The following ARHGAP17 variants were observed in gnomAD, a reference collection of about 807,000 sequenced individuals.
ARHGAP17 encodes Rho GTPase activating protein 17, also known as rho GTPase-activating protein 17.
In ARHGAP17, 57 loss-of-function variants were observed where a neutral mutation model predicts 99.5. That is an observed-to-expected ratio of 0.57 (90% CI 0.46 to 0.71). The LOEUF is 0.71. Ranked by LOEUF, ARHGAP17 falls within the 30% of genes least tolerant of loss-of-function variation. The pLI is 0.00. For missense variants in ARHGAP17, 1,000 were observed against 1,122.4 expected (o/e 0.89, Z 1.56); for synonymous variants, 417 against 429.6 (o/e 0.97, Z 0.36).
rs991648786 is a variant in ARHGAP17 at position 24,974,124 on chromosome 16, G to A, written c.198+3091C>T. The stretch of plus-strand genomic sequence containing the variant: ...CTTCCTGTGTGGAACTATTTCACCA[G>A]GCACTACAAAACATTTAGCATCTTG... On this transcript the variant is annotated intron_variant, in intron 3 of 19. Transcript: ENST00000289968. 3.9e-5 allele frequency among the ~76,000 whole-genome samples: 6 copies of A among 152,202 alleles called. 1 individual carries two copies. The highest frequency in any genetic ancestry group is 1.3e-4 in the Admixed American group (2 of 15,276).
intron 3 of ARHGAP17, among the ~76,000 whole-genome samples, chr16:24,971,169 C>T (rs1348317002): frequency 6.6e-6 from 1 of 151,942 alleles, no homozygotes; most frequent in Non-Finnish European, 1.5e-5. Context: ...CACGCCCAGC[C>T]TGTTCATATT....
chr16:24,989,993 C>A (rs1345821554), intron 1 of ARHGAP17, among the ~76,000 whole-genome samples: 1 of 152,104 alleles, frequency 6.6e-6, no homozygotes, highest in African/African-American at 2.4e-5. Flanking sequence ...TGTGTATTTT[C>A]AAAAATCTAG....
At chr16:24,981,158 G>C (rs764981482) in intron 1 of ARHGAP17, among the ~76,000 whole-genome samples, 23 of 152,190 alleles carry the variant, frequency 1.5e-4, no homozygotes, top group Non-Finnish European at 2.5e-4. Flanking sequence ...TCCTTGCTCA[G>C]TAACCTCACA....
chr16:24,977,067 G>A, intron 3 of ARHGAP17, 148 bp downstream of exon 3: 1 of 462,098 alleles, frequency 2.2e-6, no homozygotes, highest in Non-Finnish European at 3.7e-6. Flanking sequence ...AGAATGCTAT[G>A]GTCACGCAGG....
chr16:24,941,573 C>T (rs528808242), intron 16 of ARHGAP17: 1 of 169,190 alleles, frequency 5.9e-6, no homozygotes, highest in South Asian at 1.4e-4. Flanking sequence ...AATATGTCTC[C>T]TTAAACGCCA....
intron 16 of ARHGAP17, among the ~76,000 whole-genome samples, chr16:24,940,633 C>T (rs540712937): frequency 6.6e-6 from 1 of 152,150 alleles, no homozygotes; most frequent in Non-Finnish European, 1.5e-5. Context: ...CCCAGGAGGT[C>T]AAGGCTGCTG....
At chr16:24,953,395 G>T (rs8045281) in intron 10 of ARHGAP17, among the ~76,000 whole-genome samples, 28,942 of 152,156 alleles carry the variant, frequency 0.19, 8,558 homozygotes, top group African/African-American at 0.64. Flanking sequence ...TCATGTGGAA[G>T]TATGATCTCC....
Position 24,964,353 on chromosome 16 carries a change from T to C in ARHGAP17, c.462-45A>G, listed in dbSNP as rs368476814. Reference sequence around the variant, plus strand: ...CCAGCATCTGAGAACCAGCTGTGTATACTCAACAGCTGGAGGCAGGACCTG... The same window carrying C: ...CCAGCATCTGAGAACCAGCTGTGTACACTCAACAGCTGGAGGCAGGACCTG... On this transcript the variant is annotated intron_variant, in intron 6 of 19. Coordinates refer to ENST00000289968, the MANE Select transcript of ARHGAP17 (RefSeq NM_001006634.3). 1.1e-5 allele frequency: 15 copies of C among 1,323,324 alleles called. No individual in the cohort carries two copies. In the African/African-American group the frequency reaches 1.8e-4, roughly 16 times the overall value. 82.0% of individuals were successfully genotyped at this position (1,323,324 alleles called of 1,614,324 possible). A position where few individuals can be genotyped will look rare whatever the true frequency, so the allele number is the denominator to read the frequency against.
In ARHGAP17 at chr16:24,964,312, C is replaced by A. The variant is rs370884497; in HGVS notation, c.462-4G>T. ...GGATTTGTGAGCTTGGTTCCACCTG[C>A]AAAACAAAGGGGTCACCAGCATCTG... On this transcript the variant is annotated splice_polypyrimidine_tract_variant and splice_region_variant and intron_variant, in intron 6 of 19. Transcript: ENST00000289968. 12 of 1,601,194 alleles carry A rather than the reference C, an allele frequency of 7.5e-6. No homozygotes were observed. Among genetic ancestry groups the A allele is most frequent in the Non-Finnish European group, 9.4e-6 (11 of 1,168,996 alleles).
chr16:24,925,870 G>A (rs1410332577), intron 19 of ARHGAP17, among the ~76,000 whole-genome samples: 8 of 152,154 alleles, frequency 5.3e-5, no homozygotes, highest in Non-Finnish European at 2.9e-5. Flanking sequence ...CAGCACTTTG[G>A]GAGGCCGAGA....
At chr16:24,965,441 A>C (rs1363987157) in intron 6 of ARHGAP17, among the ~76,000 whole-genome samples, 3 of 152,144 alleles carry the variant, frequency 2.0e-5, no homozygotes, top group Non-Finnish European at 4.4e-5. Flanking sequence ...GCAACGCCGC[A>C]CTCCAGCCTG....
intron 1 of ARHGAP17, among the ~76,000 whole-genome samples, chr16:24,992,804 A>G (rs2053085342): frequency 6.6e-6 from 1 of 152,182 alleles, no homozygotes; most frequent in African/African-American, 2.4e-5. Flanking sequence ...AGTTTCTGTT[A>G]CCGTTTATTT....
chr16:24,982,093 A>C (rs537269764), intron 1 of ARHGAP17, among the ~76,000 whole-genome samples: 6 of 90,786 alleles, frequency 6.6e-5, no homozygotes, highest in African/African-American at 2.4e-4. Flanking sequence ...TTGCAGGCTT[A>C]GATTTTTTTT....
chr16:24,925,720 G>C (rs1312996318), intron 19 of ARHGAP17, among the ~76,000 whole-genome samples: 3 of 152,178 alleles, frequency 2.0e-5, no homozygotes, highest in Admixed American at 2.0e-4. Context: ...ATTATCACAT[G>C]AGAACGAGCA....
In ARHGAP17 at chr16:24,997,025, A is replaced by G. The variant is rs77920567; in HGVS notation, c.54-18020T>C. On this transcript the variant is annotated intron_variant, in intron 1 of 19. Transcript: ENST00000289968. ...CCACCTATAAAAGGGATAACACTAT[A>G]CTGACTTCACAGGGTCTGGTGGGTA... Among the ~76,000 whole-genome samples, 469 of 152,358 alleles carry G rather than the reference A, an allele frequency of 3.1e-3. 5 individuals are homozygous for G. Among genetic ancestry groups the G allele is most frequent in the African/African-American group, 0.011 (452 of 41,588 alleles).
intron 19 of ARHGAP17, chr16:24,927,723 G>A: frequency 8.3e-7 from 1 of 1,206,846 alleles, no homozygotes; most frequent in South Asian, 1.4e-5. Context: ...GAATATGGCA[G>A]GTCATACATC....
intron 1 of ARHGAP17, among the ~76,000 whole-genome samples, chr16:25,010,023 T>C (rs1433902326): frequency 6.6e-6 from 1 of 151,902 alleles, no homozygotes; most frequent in Non-Finnish European, 1.5e-5. Flanking sequence ...AAGCCATGCC[T>C]CAGCCACTAC....
chr16:24,923,219 G>A (rs942854002), intron 19 of ARHGAP17, among the ~76,000 whole-genome samples: 7 of 152,176 alleles, frequency 4.6e-5, no homozygotes, highest in African/African-American at 1.7e-4. Flanking sequence ...CTCCCCAGAG[G>A]AGTCTGTAAA....
At chr16:24,952,252 C>A in intron 12 of ARHGAP17, 37 bp downstream of exon 12, 1 of 1,511,666 alleles carries the variant, frequency 6.6e-7, no homozygotes, top group South Asian at 1.2e-5. Context: ...CACTTCATTC[C>A]CTTTAACATT....
Sources: allele counts gnomAD v4.1 joint callset (sites outside exome capture counted in the v4.1 genomes callset), GRCh38; gene constraint gnomAD v4.1.1; transcripts MANE v1.5; gene names NCBI Gene and HGNC (gene_info 2026-07-23, HGNC 2026-07-21).